The following GRIA3 variants were observed in gnomAD, a reference collection of about 807,000 sequenced individuals.
GRIA3 encodes the protein glutamate ionotropic receptor AMPA type subunit 3, also known as glutamate receptor 3.
A neutral mutation model predicts 63.0 loss-of-function variants in GRIA3; 3 were observed. That is an observed-to-expected ratio of 0.05 (90% confidence interval 0.02 to 0.12). GRIA3 has a LOEUF of 0.12. GRIA3 is among the 10% of genes least tolerant of loss of function. GRIA3 has a pLI of 1.00. For missense variants in GRIA3, 347 were observed against 700.9 expected (o/e 0.50, Z 5.70); for synonymous variants, 274 against 257.9 (o/e 1.06, Z -0.60).
intron 3 of GRIA3, among the ~76,000 whole-genome samples, chrX:123,283,357 T>C (rs765736545): frequency 9.0e-6 from 1 of 111,433 alleles, no homozygotes; most frequent in Non-Finnish European, 1.9e-5. Context: ...GGATTTTTTT[T>C]TCATACCCCA....
intron 2 of GRIA3, among the ~76,000 whole-genome samples, chrX:123,221,809 T>C (rs1374450864): frequency 1.8e-5 from 2 of 111,763 alleles, no homozygotes; most frequent in African/African-American, 6.5e-5. Flanking sequence ...ATACATACTT[T>C]GTGTAAACAA....
At chrX:123,474,802 T>A (rs1487178965) in intron 13 of GRIA3, among the ~76,000 whole-genome samples, 16 of 112,031 alleles carry the variant, frequency 1.4e-4, no homozygotes, top group Non-Finnish European at 7.5e-5. Context: ...ATCACTAAGA[T>A]AACATTGATT....
chrX:123,461,273 C>T (rs1009945629), intron 12 of GRIA3, among the ~76,000 whole-genome samples: 4 of 111,825 alleles, frequency 3.6e-5, no homozygotes, highest in African/African-American at 9.8e-5. Flanking sequence ...ACTTTGTCCT[C>T]AAGAAACACT....
At position 123,283,144 on chromosome X, in the gene GRIA3, C is replaced by T. The variant is rs140233834; in HGVS notation, c.508+29602C>T. Among the ~76,000 whole-genome samples the T allele has an allele frequency of 6.9e-3, 765 of 111,288 alleles. 7 individuals are homozygous for T. Among genetic ancestry groups the T allele is most frequent in the East Asian group, 0.068 (236 of 3,458 alleles). ...GCCTCATCCGGGAAGCACAAGGGGT[C>T]GGGGAACTCCCTCCCTTAGCCAAGG... On this transcript the variant is annotated intron_variant, in intron 3 of 15. Coordinates refer to ENST00000620443, the MANE Select transcript of GRIA3 (RefSeq NM_007325.5).
intron 12 of GRIA3, among the ~76,000 whole-genome samples, chrX:123,445,503 T>G (rs186137155): frequency 1.8e-5 from 2 of 112,271 alleles, no homozygotes; most frequent in African/African-American, 6.5e-5. Context: ...TTTGTTGTTG[T>G]TGTTTGCTTG....
intron 12 of GRIA3, among the ~76,000 whole-genome samples, chrX:123,437,159 C>T (rs2045649336): frequency 9.2e-6 from 1 of 108,643 alleles, no homozygotes; most frequent in African/African-American, 3.4e-5. Flanking sequence ...ACATCATTCA[C>T]ACTTTGGTCA....
At chrX:123,446,247 A>G (rs1021487866) in intron 12 of GRIA3, among the ~76,000 whole-genome samples, 2 of 112,603 alleles carry the variant, frequency 1.8e-5, no homozygotes, top group Admixed American at 9.4e-5. Context: ...TTGTAACGTT[A>G]TTAATATTGC....
chrX:123,207,293 A>C (rs1014592085), intron 2 of GRIA3, among the ~76,000 whole-genome samples: 4 of 112,014 alleles, frequency 3.6e-5, no homozygotes, highest in Non-Finnish European at 7.5e-5. Flanking sequence ...GAGAATAATG[A>C]GTTAACATAG....
Position 123,328,276 on chromosome X carries a change from GC to G in GRIA3, c.696+2064del, listed in dbSNP as rs773691476. Among the ~76,000 whole-genome samples, 53 of 111,634 alleles carry G rather than the reference GC, an allele frequency of 4.7e-4. No homozygotes were observed. The East Asian group carries it at 0.011, about 24-fold the overall frequency. ...ATAATTGCTTTAAAAAGCGTAAAAT[GC>G]TACAGAAAAAACAATCATTATTACT... On this transcript the variant is annotated intron_variant, in intron 4 of 15. Coordinates refer to ENST00000620443, the MANE Select transcript of GRIA3 (RefSeq NM_007325.5).
rs771874469 is a variant in GRIA3 at position 123,186,479 on chromosome X, T to C, written c.268+489T>C. On this transcript the variant is annotated intron_variant, in intron 2 of 15. Coordinates refer to ENST00000620443, the MANE Select transcript of GRIA3 (RefSeq NM_007325.5). ...CGAGCTGAATTTGACAATTGCCTAA[T>C]GTGTAGGAAGCAAATATGAGAAATT... is the stretch of plus-strand genomic sequence containing the variant. Among the ~76,000 whole-genome samples the C allele has an allele frequency of 2.7e-5, 3 of 111,938 alleles. No individual in the cohort carries two copies. In the South Asian group the frequency reaches 1.1e-3, roughly 42 times the overall value.
At chrX:123,194,128 GT>G (rs1927512894) in intron 2 of GRIA3, among the ~76,000 whole-genome samples, 1 of 111,095 alleles carries the variant, frequency 9.0e-6, no homozygotes, top group Non-Finnish European at 1.9e-5. Context: ...CCTGCTGCCT[GT>G]TCTGTGTGTG....
intron 3 of GRIA3, among the ~76,000 whole-genome samples, chrX:123,282,959 G>A (rs2044594978): frequency 9.0e-6 from 1 of 111,663 alleles, no homozygotes; most frequent in Admixed American, 9.5e-5. Context: ...CTGGCAAGAC[G>A]GCCAAATAGG....
chrX:123,256,153 C>T (rs1405398445), intron 3 of GRIA3, among the ~76,000 whole-genome samples: 1 of 111,063 alleles, frequency 9.0e-6, no homozygotes, highest in African/African-American at 3.3e-5. Flanking sequence ...TTCCAATTTT[C>T]AAAACCCGCC....
At chrX:123,384,471 A>G (rs1799227479) in intron 5 of GRIA3, among the ~76,000 whole-genome samples, 1 of 111,712 alleles carries the variant, frequency 9.0e-6, no homozygotes, top group Admixed American at 9.5e-5. Flanking sequence ...CTAAAAATAC[A>G]AAAATTAGCC....
At chrX:123,199,118 T>C (rs894365048) in intron 2 of GRIA3, among the ~76,000 whole-genome samples, 1 of 111,291 alleles carries the variant, frequency 9.0e-6, no homozygotes, top group African/African-American at 3.3e-5. Flanking sequence ...GAAGGAGATA[T>C]GGAAAAGATT....
chrX:123,451,720 T>A (rs1053192785), intron 12 of GRIA3, among the ~76,000 whole-genome samples: 5 of 108,131 alleles, frequency 4.6e-5, no homozygotes, highest in Non-Finnish European at 9.6e-5. Context: ...CCTGAGCAAC[T>A]GGACAAATTG....
intron 4 of GRIA3, among the ~76,000 whole-genome samples, chrX:123,348,830 A>C (rs780089578): frequency 8.9e-6 from 1 of 112,036 alleles, no homozygotes; most frequent in East Asian, 2.8e-4. Flanking sequence ...CCTTTACAAT[A>C]CTCAAGAAGA....
chrX:123,384,777 T>TTTCA (rs2147371907), intron 5 of GRIA3, among the ~76,000 whole-genome samples: 1 of 112,642 alleles, frequency 8.9e-6, no homozygotes, highest in African/African-American at 3.2e-5. Context: ...CATGTGCTTG[T>TTTCA]TGGCCACACA....
chrX:123,335,793 G>C (rs985883264), intron 4 of GRIA3, among the ~76,000 whole-genome samples: 3 of 111,683 alleles, frequency 2.7e-5, no homozygotes, highest in Non-Finnish European at 3.8e-5. Context: ...TATGTTTTTA[G>C]TGGGCAGAGG....
Sources: allele counts gnomAD v4.1 joint callset (sites outside exome capture counted in the v4.1 genomes callset), GRCh38; gene constraint gnomAD v4.1.1; transcripts MANE v1.5; gene names NCBI Gene and HGNC (gene_info 2026-07-23, HGNC 2026-07-21).